Variants in CDH18 observed in about 807,000 individuals in gnomAD.
CDH18 encodes the protein cadherin 18.
Under a neutral mutation model 67.9 loss-of-function variants are expected in CDH18, and 31 were observed. That is an observed-to-expected ratio of 0.46 (90% CI 0.34 to 0.62). CDH18 has a LOEUF of 0.62. Among genes scored for constraint, CDH18 ranks in the 20% least tolerant of loss-of-function variants. The pLI is 0.01. For missense variants in CDH18, 890 were observed against 975.5 expected (o/e 0.91, Z 1.17); for synonymous variants, 362 against 347.2 (o/e 1.04, Z -0.48).
At chr5:19,609,545 T>G (rs556687404) in intron 6 of CDH18, among the ~76,000 whole-genome samples, 3 of 151,946 alleles carry the variant, frequency 2.0e-5, no homozygotes, top group African/African-American at 4.8e-5. Flanking sequence ...ATTTACTACC[T>G]CTCTAACACT....
In CDH18 at chr5:19,741,030, T is replaced by A. The variant is rs1254377517; in HGVS notation, c.523+5912A>T. Among the ~76,000 whole-genome samples the A allele has an allele frequency of 2.6e-5, 4 of 151,830 alleles. No homozygotes were observed. The East Asian group carries it at 5.8e-4, about 22-fold the overall frequency. ...CAGGTTACATTTGCCCGCAATAATG[T>A]TATAATGCCATTCTGTTCACATATG... On this transcript the variant is annotated intron_variant, in intron 4 of 12. Coordinates refer to ENST00000382275, the MANE Select transcript of CDH18 (RefSeq NM_004934.5).
intron 2 of CDH18, among the ~76,000 whole-genome samples, chr5:20,212,727 T>G (rs554316184): frequency 1.1e-4 from 16 of 152,224 alleles, no homozygotes; most frequent in African/African-American, 3.4e-4. Context: ...ATCTTAAATT[T>G]TAAAATACTC....
At chr5:20,215,609 C>A (rs995493891) in intron 2 of CDH18, among the ~76,000 whole-genome samples, 5 of 151,798 alleles carry the variant, frequency 3.3e-5, no homozygotes, top group African/African-American at 1.2e-4. Context: ...ATTTAACTCA[C>A]AATTCCATTA....
At chr5:20,251,409 TTAGA>T (rs199857370) in intron 2 of CDH18, among the ~76,000 whole-genome samples, 2,057 of 152,338 alleles carry the variant, frequency 0.014, 30 homozygotes, top group South Asian at 0.03. Context: ...GATTGATTGA[TTAGA>T]TAATTAAGCC....
intron 2 of CDH18, among the ~76,000 whole-genome samples, chr5:20,083,927 G>C (rs1359996166): frequency 6.6e-6 from 1 of 152,096 alleles, no homozygotes; most frequent in Non-Finnish European, 1.5e-5. Context: ...AGGAATTCAA[G>C]ATGAGATTTG....
chr5:19,994,878 A>AGAGAGAGAGG (rs1735874271), intron 2 of CDH18, among the ~76,000 whole-genome samples: 1 of 132,788 alleles, frequency 7.5e-6, no homozygotes, highest in African/African-American at 2.8e-5. Context: ...AGAGAGAGAG[A>AGAGAGAGAGG]TGTAGAAAAA....
chr5:20,299,757 CAAAAAA>C (rs368044422), intron 1 of CDH18, among the ~76,000 whole-genome samples: 1 of 107,504 alleles, frequency 9.3e-6, no homozygotes, highest in Admixed American at 1.1e-4. Flanking sequence ...GGCTCTGTCT[CAAAAAA>C]AAAAAAAAAA....
chr5:20,429,195 G>T (rs1450171213), intron 1 of CDH18, among the ~76,000 whole-genome samples: 2 of 151,930 alleles, frequency 1.3e-5, no homozygotes, highest in African/African-American at 4.8e-5. Context: ...TCCTGACTCT[G>T]CAGGTTGAGA....
At chr5:19,533,582 T>G (rs895876626) in intron 9 of CDH18, among the ~76,000 whole-genome samples, 1 of 152,134 alleles carries the variant, frequency 6.6e-6, no homozygotes, top group Non-Finnish European at 1.5e-5. Flanking sequence ...AGCATGTTTT[T>G]GAGGACAGGG....
At chr5:19,733,498 A>G (rs898461094) in intron 4 of CDH18, among the ~76,000 whole-genome samples, 3 of 152,112 alleles carry the variant, frequency 2.0e-5, no homozygotes, top group African/African-American at 7.2e-5. Flanking sequence ...TGGTCACTCA[A>G]TAAAATTCTC....
chr5:19,816,504 C>A (rs1449418448), intron 3 of CDH18, among the ~76,000 whole-genome samples: 1 of 151,852 alleles, frequency 6.6e-6, no homozygotes, highest in Non-Finnish European at 1.5e-5. Flanking sequence ...TAAATTATAT[C>A]AATTGCAGAT....
intron 2 of CDH18, among the ~76,000 whole-genome samples, chr5:20,166,524 T>C (rs1004003166): frequency 6.6e-5 from 10 of 151,300 alleles, no homozygotes; most frequent in African/African-American, 2.2e-4. Context: ...GCAAAATCCA[T>C]TGCCACCTAC....
chr5:20,196,131 T>C (rs931009122), intron 2 of CDH18, among the ~76,000 whole-genome samples: 1 of 152,040 alleles, frequency 6.6e-6, no homozygotes. Context: ...CAAGGCAGGG[T>C]GTTGTTTCTG....
At chr5:20,307,044 G>T (rs1736529438) in intron 1 of CDH18, among the ~76,000 whole-genome samples, 1 of 152,084 alleles carries the variant, frequency 6.6e-6, no homozygotes, top group African/African-American at 2.4e-5. Flanking sequence ...GACATATTAA[G>T]AAGATGTGAC....
intron 1 of CDH18, among the ~76,000 whole-genome samples, chr5:20,451,252 T>C (rs776652781): frequency 6.6e-6 from 1 of 152,198 alleles, no homozygotes; most frequent in South Asian, 2.1e-4. Context: ...CAGCACATAA[T>C]AAGATAATCC....
intron 11 of CDH18, among the ~76,000 whole-genome samples, chr5:19,492,630 CT>C (rs2126678749): frequency 6.6e-6 from 1 of 152,060 alleles, no homozygotes; most frequent in African/African-American, 2.4e-5. Flanking sequence ...TAAAAATCAT[CT>C]TTGAACTCTG....
At chr5:20,363,756 T>A (rs187651139) in intron 1 of CDH18, among the ~76,000 whole-genome samples, 25 of 151,948 alleles carry the variant, frequency 1.6e-4, no homozygotes, top group African/African-American at 4.8e-4. Context: ...TCCAGAAGCA[T>A]TGGTAAGTAT....
At chr5:19,613,286 C>T (rs1366492311) in intron 5 of CDH18, among the ~76,000 whole-genome samples, 1 of 152,092 alleles carries the variant, frequency 6.6e-6, no homozygotes, top group East Asian at 1.9e-4. Flanking sequence ...TAAGCAGAGG[C>T]TAATTTTCAT....
Position 19,648,841 on chromosome 5 carries a change from T to TC in CDH18, c.644-36241dup, listed in dbSNP as rs757631485. ...TTTGTATATGGAGAGGTTTTTTTTT[T>TC]CATGCAGAGTTAGACAAAAATGACA... On this transcript the variant is annotated intron_variant, in intron 5 of 12. Coordinates refer to ENST00000382275, the MANE Select transcript of CDH18 (RefSeq NM_004934.5). Among the ~76,000 whole-genome samples the TC allele has an allele frequency of 1.1e-4, 17 of 151,924 alleles. No individual in the cohort carries two copies. The South Asian group carries it at 3.5e-3, about 32-fold the overall frequency.
Sources: allele counts gnomAD v4.1 joint callset (sites outside exome capture counted in the v4.1 genomes callset), GRCh38; gene constraint gnomAD v4.1.1; transcripts MANE v1.5; gene names NCBI Gene and HGNC (gene_info 2026-07-23, HGNC 2026-07-21).